BCKDHB: variants seen among roughly 807,000 people sequenced by gnomAD.
The protein encoded by BCKDHB is 2-oxoisovalerate dehydrogenase subunit beta, mitochondrial.
BCKDHB carries 41 observed loss-of-function variants against 48.5 expected under a neutral mutation model. That is an observed-to-expected ratio of 0.85 (90% CI 0.66 to 1.10). The LOEUF (loss-of-function observed/expected upper bound fraction) is 1.10, where lower values mean the gene tolerates loss of function less well. Ranked by LOEUF, BCKDHB falls within the 50% of genes least tolerant of loss-of-function variation. The pLI is 0.00. For synonymous variants in BCKDHB, 201 were observed against 174.8 expected, an observed-to-expected ratio of 1.15 and a Z score of -1.18; for missense variants, 496 against 494.2, an observed-to-expected ratio of 1.00 and a Z score of -0.03.
At chr6:80,193,733 A>T (rs1001683449) in intron 6 of BCKDHB, among the ~76,000 whole-genome samples, 6 of 151,896 alleles carry the variant, frequency 4.0e-5, no homozygotes, top group Admixed American at 6.6e-5. Flanking sequence ...AAAAAAAAAA[A>T]AAAAAGTCTC....
intron 6 of BCKDHB, among the ~76,000 whole-genome samples, chr6:80,190,927 G>T (rs1353681760): frequency 1.3e-5 from 2 of 152,140 alleles, no homozygotes; most frequent in Admixed American, 6.5e-5. Context: ...AGTGACCGTT[G>T]TTCCACAGTG....
chr6:80,245,105 CAG>C (rs762080978), intron 8 of BCKDHB, among the ~76,000 whole-genome samples: 1 of 150,718 alleles, frequency 6.6e-6, no homozygotes, highest in Admixed American at 6.6e-5. Flanking sequence ...TTAGGATAAA[CAG>C]AATTTTAATG....
At chr6:80,116,422 T>C (rs1393543338) in intron 1 of BCKDHB, among the ~76,000 whole-genome samples, 1 of 152,270 alleles carries the variant, frequency 6.6e-6, no homozygotes, top group Non-Finnish European at 1.5e-5. Context: ...TCAACAAATA[T>C]TTATTTAGCA....
At chr6:80,371,176 G>A in the BCKDHB span, among the ~76,000 whole-genome samples, 1 of 151,928 alleles carries the variant, frequency 6.6e-6, no homozygotes, top group Non-Finnish European at 1.5e-5. Context: ...TTTGATTATG[G>A]CCATTCTTGC....
intron 9 of BCKDHB, among the ~76,000 whole-genome samples, chr6:80,324,731 C>T (rs1157693541): frequency 6.6e-6 from 1 of 152,136 alleles, no homozygotes; most frequent in Admixed American, 6.5e-5. Flanking sequence ...TATCCTGCTC[C>T]CTCTGCTCCT....
At chr6:80,328,259 G>A (rs1024781482) in intron 9 of BCKDHB, among the ~76,000 whole-genome samples, 1 of 152,104 alleles carries the variant, frequency 6.6e-6, no homozygotes, top group Non-Finnish European at 1.5e-5. Flanking sequence ...GATTCAGGAA[G>A]GGCATTTACT....
Position 80,167,770 on chromosome 6 carries a change from G to A in BCKDHB, c.436G>A (p.Glu146Lys), listed in dbSNP as rs374642431. 1.9e-6 allele frequency: 3 copies of A among 1,613,956 alleles called. No homozygotes were observed. Among genetic ancestry groups the A allele is most frequent in the African/African-American group, 1.3e-5 (1 of 75,034 alleles). ...GGTCACTGGAGCTACTGCCATTGCG[G>A]AAATTCAGTTTGCAGATTATATTTT... The part of the protein sequence containing the change: ...IAVTGATAIA[E>K]IQFADYIFPA... Residue 146 changes from glutamate to lysine, a missense_variant, in exon 4 of 10, where the codon GAA (glutamate) becomes AAA (lysine). By Grantham distance (56) the Glu-to-Lys change is moderately conservative. Transcript: ENST00000320393.
At chr6:80,230,148 C>T (rs908114764) in intron 8 of BCKDHB, among the ~76,000 whole-genome samples, 3 of 141,808 alleles carry the variant, frequency 2.1e-5, no homozygotes, top group East Asian at 2.2e-4. Context: ...ATGCCATTCT[C>T]CTGCCTCAGC....
chr6:80,348,212 A>AT (rs1554217127), downstream of BCKDHB, among the ~76,000 whole-genome samples: 10,711 of 146,370 alleles, frequency 0.073, 549 homozygotes, highest in South Asian at 0.25. Flanking sequence ...TTCTGTGTAT[A>AT]TTTAAAAAAA....
At chr6:80,188,092 G>A (rs1355375279) in intron 6 of BCKDHB, among the ~76,000 whole-genome samples, 1 of 152,108 alleles carries the variant, frequency 6.6e-6, no homozygotes, top group Non-Finnish European at 1.5e-5. Flanking sequence ...GCCCATCAAT[G>A]ATAGACTGGG....
the BCKDHB span, among the ~76,000 whole-genome samples, chr6:80,365,916 A>G: frequency 6.6e-6 from 1 of 152,198 alleles, no homozygotes; most frequent in South Asian, 2.1e-4. Context: ...AGTCCTGAAT[A>G]GGAGGCTATA....
intron 1 of BCKDHB, among the ~76,000 whole-genome samples, chr6:80,111,731 G>A (rs1169796522): frequency 2.6e-5 from 4 of 152,154 alleles, no homozygotes; most frequent in Non-Finnish European, 4.4e-5. Flanking sequence ...ACTAAAAAAT[G>A]TCTATGGTTT....
At chr6:80,282,830 A>G (rs1341059363) in intron 9 of BCKDHB, among the ~76,000 whole-genome samples, 1 of 152,062 alleles carries the variant, frequency 6.6e-6, no homozygotes. Flanking sequence ...TAAAAGCTTT[A>G]TTATATGTAG....
At chr6:80,188,248 C>G (rs1773736387) in intron 6 of BCKDHB, among the ~76,000 whole-genome samples, 1 of 152,134 alleles carries the variant, frequency 6.6e-6, no homozygotes, top group Non-Finnish European at 1.5e-5. Context: ...CCTTAGCAAA[C>G]TAACACATGA....
chr6:80,412,801 G>A, the BCKDHB span, among the ~76,000 whole-genome samples: 1 of 152,082 alleles, frequency 6.6e-6, no homozygotes, highest in African/African-American at 2.4e-5. Context: ...AGTTATTTGG[G>A]TTGGCAGGTT....
At chr6:80,260,976 G>C (rs914075621) in intron 8 of BCKDHB, among the ~76,000 whole-genome samples, 2 of 152,112 alleles carry the variant, frequency 1.3e-5, no homozygotes, top group Non-Finnish European at 2.9e-5. Flanking sequence ...GGCTTTCATA[G>C]TATTCAAAAA....
intron 8 of BCKDHB, among the ~76,000 whole-genome samples, chr6:80,255,929 A>G (rs921971196): frequency 2.0e-5 from 3 of 152,320 alleles, no homozygotes; most frequent in African/African-American, 4.8e-5. Context: ...AAATTTGACT[A>G]CTGGTTCCTG....
chr6:80,452,662 T>C, the BCKDHB span, among the ~76,000 whole-genome samples: 11 of 152,160 alleles, frequency 7.2e-5, no homozygotes, highest in Admixed American at 5.9e-4. Context: ...ATTTAATTGC[T>C]CTTAATTTAC....
At chr6:80,273,448 A>G (rs986076362) in intron 9 of BCKDHB, among the ~76,000 whole-genome samples, 4 of 152,144 alleles carry the variant, frequency 2.6e-5, no homozygotes. Context: ...ATATCTTAAA[A>G]TATTGAAAGC....
Sources: gnomAD v4.1 joint callset for allele counts (sites outside exome capture counted in the v4.1 genomes callset) on GRCh38, gnomAD v4.1.1 for gene constraint, MANE v1.5 for transcripts, NCBI Gene and HGNC (gene_info 2026-07-23, HGNC 2026-07-21) for gene names.